PDIA6: variants seen among roughly 807,000 people sequenced by gnomAD.
PDIA6 encodes protein disulfide isomerase family A member 6, also known as protein disulfide-isomerase A6.
In PDIA6, 29 loss-of-function variants were observed where a neutral mutation model predicts 58.4. The ratio of observed to expected loss-of-function variants is 0.50; its 90% CI spans 0.37 to 0.68. The LOEUF (loss-of-function observed/expected upper bound fraction) is 0.68. Among genes scored for constraint, PDIA6 ranks in the 30% least tolerant of loss-of-function variants. The pLI, the probability that PDIA6 is intolerant of heterozygous loss-of-function variation, is 0.00. For missense variants in PDIA6, 480 were observed against 551.0 expected (o/e 0.87, Z 1.29); for synonymous variants, 192 against 202.6 (o/e 0.95, Z 0.44).
At chr2:10,827,387 C>CA (rs1450830988) in intron 1 of PDIA6, among the ~76,000 whole-genome samples, 2 of 152,080 alleles carry the variant, frequency 1.3e-5, no homozygotes, top group African/African-American at 4.8e-5. Context: ...ATTTGTTTAT[C>CA]ATCTGTCTTC....
chr2:10,821,211 C>CG, intron 1 of PDIA6: 2 of 219,018 alleles, frequency 9.1e-6, no homozygotes, highest in East Asian at 1.2e-4. Flanking sequence ...ATGGCCTCAT[C>CG]AGCTCTTCCA....
intron 7 of PDIA6, 86 bp from the exon 8 acceptor site, chr2:10,789,975 A>T: frequency 1.7e-6 from 2 of 1,205,630 alleles, no homozygotes; most frequent in Non-Finnish European, 2.3e-6. Context: ...ACCACCTTAT[A>T]GGTAATTTTT....
At position 10,787,432 on chromosome 2, in the gene PDIA6, A is replaced by T; in HGVS notation, c.1006T>A (p.Trp336Arg). 2 of 1,610,854 alleles carry T rather than the reference A, an allele frequency of 1.2e-6. No homozygotes were observed. Among genetic ancestry groups the T allele is most frequent in the Non-Finnish European group, 8.5e-7 (1 of 1,178,286 alleles). The change falls in exon 11 of 13, where the codon TGG becomes AGG. Residue 336 changes from tryptophan to arginine, a missense_variant. Trp to Arg is a moderately radical substitution (Grantham distance 101). Coordinates refer to ENST00000272227, the MANE Select transcript of PDIA6 (RefSeq NM_005742.4). The part of the protein sequence containing the change: ...KYKKKMWGWL[W>R]TEAGAQSELE... ...TCAGACTGGGCTCCAGCTTCTGTCC[A>T]CAGCCACCTAGAAAACCAGACTGGT...
chr2:10,806,811 C>A lies in PDIA6; in HGVS notation c.20-4171G>T, dbSNP rs1362036760. On this transcript the variant is annotated intron_variant, in intron 1 of 12. Transcript: ENST00000272227. The stretch of plus-strand genomic sequence containing the variant: ...TGCACCCTTTCTATGTTTAGATACA[C>A]AAATGCTTGCCATTGTGTTACAACT... Among the ~76,000 whole-genome samples, 3 of 152,084 alleles carry A rather than the reference C, an allele frequency of 2.0e-5. No individual in the cohort carries two copies. In the East Asian group the frequency reaches 5.8e-4, roughly 29 times the overall value.
At chr2:10,834,732 C>CT (rs1553342870), upstream of PDIA6, among the ~76,000 whole-genome samples, 1,014 of 36,316 alleles carry the variant, frequency 0.028, 27 homozygotes, top group African/African-American at 0.039. Flanking sequence ...CCTTCCTTCC[C>CT]TCCTTCCTTC....
At position 10,803,527 on chromosome 2, in the gene PDIA6, G is replaced by A. The variant is rs534344169; in HGVS notation, c.20-887C>T. ...TAACACATTATCAGAAACACTGTTC[G>A]TGTGAACAACCTTATAAAGACAGGA... On this transcript the variant is annotated intron_variant, in intron 1 of 12. Coordinates refer to ENST00000272227, the MANE Select transcript of PDIA6 (RefSeq NM_005742.4). Among the ~76,000 whole-genome samples the A allele has an allele frequency of 7.1e-4, 99 of 139,922 alleles. 1 individual carries two copies. Among genetic ancestry groups the A allele is most frequent in the Non-Finnish European group, 1.4e-3 (87 of 62,292 alleles). 91.8% of individuals were successfully genotyped at this position (139,922 alleles called of 152,430 possible).
intron 1 of PDIA6, among the ~76,000 whole-genome samples, chr2:10,809,003 T>C (rs1301650827): frequency 1.3e-5 from 2 of 152,056 alleles, no homozygotes; most frequent in Non-Finnish European, 2.9e-5. Flanking sequence ...GAGATGGGGT[T>C]TCACCATGTT....
chr2:10,835,217 C>G (rs998180132), upstream of PDIA6, among the ~76,000 whole-genome samples: 1 of 152,156 alleles, frequency 6.6e-6, no homozygotes, highest in East Asian at 1.9e-4. Context: ...TTCCAGGCCT[C>G]CCAAGCCATC....
chr2:10,835,857 C>A (rs1002559327), upstream of PDIA6, among the ~76,000 whole-genome samples: 1 of 152,166 alleles, frequency 6.6e-6, no homozygotes, highest in Non-Finnish European at 1.5e-5. Context: ...TCGAGACCTG[C>A]CTGGGCAACA....
intron 1 of PDIA6, among the ~76,000 whole-genome samples, chr2:10,808,363 G>C (rs150723849): frequency 2.6e-5 from 4 of 152,186 alleles, no homozygotes; most frequent in African/African-American, 4.8e-5. Flanking sequence ...TGGCAGTTGT[G>C]GTGGAGTGAA....
upstream of PDIA6, among the ~76,000 whole-genome samples, chr2:10,835,705 C>G (rs1212330603): frequency 6.6e-6 from 1 of 152,202 alleles, no homozygotes; most frequent in Non-Finnish European, 1.5e-5. Flanking sequence ...GGGACAGTGG[C>G]TGTGGCCCTG....
Position 10,784,879 on chromosome 2 carries a change from C to T in PDIA6, c.1254+55G>A, listed in dbSNP as rs1665630224. The T allele has an allele frequency of 6.2e-6, 8 of 1,285,810 alleles. No individual in the cohort carries two copies. In the South Asian group the frequency reaches 1.0e-4, roughly 16 times the overall value. The allele number at this position is 1,285,810 out of a possible 1,614,324, so 79.7% of individuals were successfully genotyped here. On this transcript the variant is annotated intron_variant, in intron 12 of 12. Transcript: ENST00000272227. Reference sequence around the variant, plus strand: ...GACTCCAGGTGCAGAGATGCACAGGCTCAAGAGAGTAAACCAGGACTGCTG... The same window carrying T: ...GACTCCAGGTGCAGAGATGCACAGGTTCAAGAGAGTAAACCAGGACTGCTG...
chr2:10,827,252 G>C (rs577694449), intron 1 of PDIA6, among the ~76,000 whole-genome samples: 2 of 151,988 alleles, frequency 1.3e-5, no homozygotes, highest in African/African-American at 4.8e-5. Flanking sequence ...CAGTAGAGAC[G>C]GGGTTTCACT....
At chr2:10,833,102 G>A (rs923453), upstream of PDIA6, among the ~76,000 whole-genome samples, 32,617 of 151,968 alleles carry the variant, frequency 0.21, 3,840 homozygotes, top group East Asian at 0.44. Context: ...CAGTCAGAAA[G>A]CATCCCCTCC....
chr2:10,812,716 G>A lies in PDIA6; in HGVS notation c.-20C>T, dbSNP rs776821270. 9.9e-6 allele frequency: 15 copies of A among 1,512,924 alleles called. No homozygotes were observed. Among genetic ancestry groups the A allele is most frequent in the East Asian group, 2.8e-5 (1 of 35,626 alleles). 93.7% of individuals were successfully genotyped at this position (1,512,924 alleles called of 1,614,324 possible). ...AGCCATGCCGAGCGCCGGGCTACGT[G>A]CAGTCCCCACCGCCGCCGCCGCTTC... is the stretch of plus-strand genomic sequence containing the variant. On this transcript the variant is annotated 5_prime_UTR_variant, in exon 1 of 13. Coordinates refer to ENST00000272227, the MANE Select transcript of PDIA6 (RefSeq NM_005742.4).
chr2:10,809,500 A>G (rs1666905659), intron 1 of PDIA6, among the ~76,000 whole-genome samples: 2 of 151,846 alleles, frequency 1.3e-5, no homozygotes, highest in Admixed American at 1.3e-4. Context: ...ACATGGCAAA[A>G]CTCCATCTCT....
intron 10 of PDIA6, 83 bp downstream of exon 10, chr2:10,788,614 A>G: frequency 1.1e-6 from 1 of 936,544 alleles, no homozygotes; most frequent in Non-Finnish European, 1.7e-6. Flanking sequence ...AACACAGCTT[A>G]CAAAAACACG....
At chr2:10,822,665 T>G (rs1341592615) in intron 1 of PDIA6, among the ~76,000 whole-genome samples, 1 of 152,236 alleles carries the variant, frequency 6.6e-6, no homozygotes, top group Admixed American at 6.5e-5. Context: ...GATAATATCT[T>G]CACCCTCTAT....
upstream of PDIA6, among the ~76,000 whole-genome samples, chr2:10,833,819 C>T (rs1201118076): frequency 1.3e-5 from 2 of 152,170 alleles, no homozygotes; most frequent in Non-Finnish European, 2.9e-5. Flanking sequence ...GGGCTGGAAG[C>T]CATCAAGTGT....
Sources: gnomAD v4.1 joint callset for allele counts (sites outside exome capture counted in the v4.1 genomes callset) on GRCh38, gnomAD v4.1.1 for gene constraint, MANE v1.5 for transcripts, NCBI Gene and HGNC (gene_info 2026-07-23, HGNC 2026-07-21) for gene names.